Variants in CACNA1H observed in about 807,000 individuals in gnomAD.
CACNA1H encodes voltage-dependent T-type calcium channel subunit alpha-1H.
In CACNA1H, 149 loss-of-function variants were observed where a neutral mutation model predicts 192.5. The observed-to-expected ratio is 0.77, with a 90% CI of 0.68 to 0.89. The LOEUF (loss-of-function observed/expected upper bound fraction) is 0.89. CACNA1H is among the 40% of genes least tolerant of loss of function. The pLI, the probability that CACNA1H is intolerant of heterozygous loss-of-function variation, is 0.00. For missense variants in CACNA1H, 4,257 were observed against 3,423.5 expected (o/e 1.24, Z -6.08); for synonymous variants, 2,202 against 1,475.2 (o/e 1.49, Z -11.29).
At chr16:1,188,314 C>T (rs1472539226) in intron 2 of CACNA1H, among the ~76,000 whole-genome samples, 2 of 152,088 alleles carry the variant, frequency 1.3e-5, no homozygotes, top group African/African-American at 2.4e-5. Context: ...CCACAGCACA[C>T]GGGCTTCTGA....
In CACNA1H at chr16:1,221,040, G is replaced by A. The variant is rs758468165; in HGVS notation, c.*46G>A. The A allele has an allele frequency of 5.5e-6, 8 of 1,454,232 alleles. No homozygotes were observed. The highest frequency in any genetic ancestry group is 7.3e-6 in the Non-Finnish European group (8 of 1,090,602). 90.1% of individuals were successfully genotyped at this position (1,454,232 alleles called of 1,614,324 possible). A position where few individuals can be genotyped will look rare whatever the true frequency, so the allele number is the denominator to read the frequency against. ...ACGGCTTTGGCCCTGGGGTCTGGGG[G>A]CCCCGCTGGGGTGGAGGCCCAGGCA... On this transcript the variant is annotated 3_prime_UTR_variant, in exon 35 of 35. Coordinates refer to ENST00000348261, the MANE Select transcript of CACNA1H (RefSeq NM_021098.3).
intron 2 of CACNA1H, among the ~76,000 whole-genome samples, chr16:1,190,332 T>G (rs1366803739): frequency 6.6e-6 from 1 of 152,256 alleles, no homozygotes; most frequent in African/African-American, 2.4e-5. Context: ...TCTGTATGAT[T>G]AAGCCTCCAG....
At position 1,206,180 on chromosome 16, in the gene CACNA1H, C is replaced by T. The variant is rs754315273; in HGVS notation, c.2680C>T (p.Leu894=). 7.6e-6 allele frequency: 12 copies of T among 1,588,978 alleles called. No homozygotes were observed. Among genetic ancestry groups the T allele is most frequent in the East Asian group, 6.9e-5 (3 of 43,606 alleles). The change falls in exon 12 of 35, where the codon CTG becomes TTG. Residue 894 remains leucine (L), a synonymous_variant. Transcript: ENST00000348261. The stretch of plus-strand genomic sequence containing the variant: ...CTTCCGGCTGCTGCGTGTGCTGAAG[C>T]TGGTGCGCTTTCTGCCAGCCCTGCG... ...RTFRLLRVLK[L]VRFLPALRRQ...
chr16:1,215,549 G>A lies in CACNA1H; in HGVS notation c.5200G>A (p.Gly1734Ser). The stretch of plus-strand genomic sequence containing the variant: ...GCTGAAGCTGCTGAAGATGGCTACG[G>A]GCATGCGCGCCCTGCTGGACACTGT... Reference protein sequence around the residue: ...RVLKLLKMATGMRALLDTVVQ... With the variant: ...RVLKLLKMATSMRALLDTVVQ... The change falls in exon 30 of 35, where the codon GGC becomes AGC. Residue 1734 changes from glycine to serine, a missense_variant. Gly to Ser is a moderately conservative substitution (Grantham distance 56). Coordinates refer to ENST00000348261, the MANE Select transcript of CACNA1H (RefSeq NM_021098.3). 1.2e-6 allele frequency: 2 copies of A among 1,611,870 alleles called. No homozygotes were observed. Among genetic ancestry groups the A allele is most frequent in the Non-Finnish European group, 1.7e-6 (2 of 1,179,566 alleles).
rs758578051 is a variant in CACNA1H at position 1,201,845 on chromosome 16, C to T, written c.1395C>T (p.Gly465=). Residue 465 remains glycine (G), a synonymous_variant, in exon 9 of 35, where the codon GGC becomes GGT. Coordinates refer to ENST00000348261, the MANE Select transcript of CACNA1H (RefSeq NM_021098.3). ...SCYEELLKYV[G]HIFRKVKRRS... ...ACGAAGAGCTGCTGAAGTACGTGGGCCACATATTCCGCAAGGTCAAGCGGC... is the reference window on the plus strand; with the variant it reads ...ACGAAGAGCTGCTGAAGTACGTGGGTCACATATTCCGCAAGGTCAAGCGGC... 1.9e-6 allele frequency: 3 copies of T among 1,568,262 alleles called. No individual in the cohort carries two copies. The African/African-American group carries it at 4.1e-5, about 21-fold the overall frequency.
rs751699462 is a variant in CACNA1H at position 1,210,778 on chromosome 16, C to T, written c.4039-9C>T. On this transcript the variant is annotated splice_polypyrimidine_tract_variant and intron_variant, in intron 20 of 34. Transcript: ENST00000348261. Reference sequence around the variant, plus strand: ...TGAGCCTGAGCTCAGTGCCATTGGCCCTCCGCAGGTGGTGGCCCTGGGGCT... The same window carrying T: ...TGAGCCTGAGCTCAGTGCCATTGGCTCTCCGCAGGTGGTGGCCCTGGGGCT... The T allele has an allele frequency of 5.0e-6, 8 of 1,599,384 alleles. No homozygotes were observed. The highest frequency in any genetic ancestry group is 1.3e-5 in the African/African-American group (1 of 74,926).
Position 1,221,315 on chromosome 16 carries a change from G to A in CACNA1H, c.*321G>A, listed in dbSNP as rs1567562316. The A allele has an allele frequency of 2.5e-6, 1 of 399,514 alleles. No individual in the cohort carries two copies. The highest frequency in any genetic ancestry group is 4.1e-5 in the East Asian group (1 of 24,684). 24.7% of individuals were successfully genotyped at this position (399,514 alleles called of 1,614,324 possible). Reference sequence around the variant, plus strand: ...AAGACCGGGCACCCGCCAGAGAGGGGAAGGTACCAGGTTGCGTCCTTTCAG... The same window carrying A: ...AAGACCGGGCACCCGCCAGAGAGGGAAAGGTACCAGGTTGCGTCCTTTCAG... On this transcript the variant is annotated 3_prime_UTR_variant, in exon 35 of 35. Coordinates refer to ENST00000348261, the MANE Select transcript of CACNA1H (RefSeq NM_021098.3).
intron 2 of CACNA1H, among the ~76,000 whole-genome samples, chr16:1,184,843 A>G (rs1468240963): frequency 1.3e-5 from 2 of 152,246 alleles, no homozygotes; most frequent in Non-Finnish European, 2.9e-5. Flanking sequence ...CAAAGCTGGG[A>G]ACGCAGGCTG....
Position 1,207,085 on chromosome 16 carries a change from C to A in CACNA1H, c.2874C>A (p.Asp958Glu). ...GDTVPDRKNF[D>E]SLLWAIVTVF... ...CCGTGCCTGACAGGAAGAACTTCGA[C>A]TCCCTGCTGTGGGCCATCGTCACCG... Residue 958 changes from aspartate to glutamate, a missense_variant, in exon 13 of 35, where the codon GAC becomes GAA. Transcript: ENST00000348261. The A allele has an allele frequency of 6.2e-7, 1 of 1,600,470 alleles. No individual in the cohort carries two copies. Among genetic ancestry groups the A allele is most frequent in the Non-Finnish European group, 8.5e-7 (1 of 1,173,452 alleles).
At chr16:1,169,531 G>A (rs2151698294) in intron 2 of CACNA1H, among the ~76,000 whole-genome samples, 1 of 152,338 alleles carries the variant, frequency 6.6e-6, no homozygotes, top group East Asian at 1.9e-4. Flanking sequence ...TTCCCCGTGG[G>A]CAGCGACCCC....
At chr16:1,198,916 C>G (rs1386199453) in intron 6 of CACNA1H, 142 bp downstream of exon 6, 1 of 753,816 alleles carries the variant, frequency 1.3e-6, no homozygotes, top group East Asian at 2.7e-5. Context: ...CCCGTCATGG[C>G]TCCGTCCACC....
At position 1,220,417 on chromosome 16, in the gene CACNA1H, G is replaced by T. The variant is rs745906833; in HGVS notation, c.6485G>T (p.Ser2162Ile). 4 of 1,531,082 alleles carry T rather than the reference G, an allele frequency of 2.6e-6. No individual in the cohort carries two copies. In the African/African-American group the frequency reaches 5.6e-5, roughly 22 times the overall value. The allele number at this position is 1,531,082 out of a possible 1,614,324, so 94.8% of individuals were successfully genotyped here. ...EQWRPSAELGSGEPGEAKAWG... is the reference protein window; with the variant it reads ...EQWRPSAELGIGEPGEAKAWG... Reference sequence around the variant, plus strand: ...TGGCGGCCCTCGGCGGAGCTGGGCAGCGGGGAGCCTGGGGAGGCGAAGGCC... The same window carrying T: ...TGGCGGCCCTCGGCGGAGCTGGGCATCGGGGAGCCTGGGGAGGCGAAGGCC... Residue 2162 changes from serine (S) to isoleucine (I), a missense_variant, in exon 35 of 35, where the codon AGC becomes ATC. By Grantham distance (142) the Ser-to-Ile change is moderately radical (BLOSUM62 -2). Transcript: ENST00000348261.
At chr16:1,163,672 C>T (rs894949547) in intron 2 of CACNA1H, among the ~76,000 whole-genome samples, 3 of 152,230 alleles carry the variant, frequency 2.0e-5, no homozygotes, top group East Asian at 1.9e-4. Flanking sequence ...GAACTTGTCC[C>T]GGGCTGCTGG....
chr16:1,203,731 C>T lies in CACNA1H; in HGVS notation c.2003-279C>T, dbSNP rs75852667. On this transcript the variant is annotated intron_variant, in intron 9 of 34. Transcript: ENST00000348261. ...CGGCTTGTCGACACGTCCCTGCGGT[C>T]TCTCTGTCTTCACATGGCTCTTTGG... is the stretch of plus-strand genomic sequence containing the variant. Among the ~76,000 whole-genome samples, 3,446 of 152,294 alleles carry T rather than the reference C, an allele frequency of 0.023. 137 individuals carry two copies. Among genetic ancestry groups the T allele is most frequent in the African/African-American group, 0.079 (3,277 of 41,550 alleles).
In CACNA1H at chr16:1,207,804, A is replaced by G. The variant is rs2141313612; in HGVS notation, c.3098A>G (p.Lys1033Arg). ...AACAGATCCGACACGGACGAGGACA[A>G]GACGTCGGTCCACTTCGAGGAGGAC... ...DANRSDTDED[K>R]TSVHFEEDFH... The change falls in exon 15 of 35, where the codon AAG becomes AGG. Residue 1033 changes from lysine to arginine, a missense_variant. Physicochemically the swap from Lys to Arg is conservative, Grantham distance 26. Coordinates refer to ENST00000348261, the MANE Select transcript of CACNA1H (RefSeq NM_021098.3). The G allele has an allele frequency of 8.1e-6, 13 of 1,603,516 alleles. No homozygotes were observed. In the East Asian group the frequency reaches 2.7e-4, roughly 33 times the overall value.
At chr16:1,193,112 G>T (rs1423035314) in intron 2 of CACNA1H, among the ~76,000 whole-genome samples, 1 of 152,176 alleles carries the variant, frequency 6.6e-6, no homozygotes, top group African/African-American at 2.4e-5. Context: ...CCCCACACCT[G>T]CCTGCTGTGT....
chr16:1,198,254 G>T (rs534310284), intron 5 of CACNA1H, among the ~76,000 whole-genome samples: 1 of 149,018 alleles, frequency 6.7e-6, no homozygotes, highest in African/African-American at 2.4e-5. Flanking sequence ...CAGACCTGCC[G>T]CAGCCAGTTC....
chr16:1,220,460 G>A lies in CACNA1H; in HGVS notation c.6528G>A (p.Glu2176=). 6.5e-7 allele frequency: 1 copy of A among 1,544,980 alleles called. No homozygotes were observed. The highest frequency in any genetic ancestry group is 8.7e-7 in the Non-Finnish European group (1 of 1,154,486). The change falls in exon 35 of 35, where the codon GAG becomes GAA. Residue 2176 remains glutamate (E), a synonymous_variant. Transcript: ENST00000348261. The part of the protein sequence containing the change: ...GEAKAWGPEA[E]PALGARRKKK... ...CGAAGGCCTGGGGCCCTGAGGCCGA[G>A]CCCGCTCTGGGTGCGCGCAGAAAGA...
chr16:1,203,166 G>A (rs1454374455), intron 9 of CACNA1H, among the ~76,000 whole-genome samples: 3 of 152,188 alleles, frequency 2.0e-5, no homozygotes, highest in East Asian at 1.9e-4. Context: ...GCGTGCAGAC[G>A]AGTGTCGGGC....
Sources: allele counts gnomAD v4.1 joint callset (sites outside exome capture counted in the v4.1 genomes callset), GRCh38; gene constraint gnomAD v4.1.1; transcripts MANE v1.5; gene names NCBI Gene and HGNC (gene_info 2026-07-23, HGNC 2026-07-21).